RALY: variants seen among roughly 807,000 people sequenced by gnomAD.
The protein encoded by RALY is RNA-binding protein Raly.
In RALY, 15 loss-of-function variants were observed where a neutral mutation model predicts 30.7. The observed-to-expected ratio is 0.49, with a 90% CI of 0.33 to 0.75. The LOEUF (loss-of-function observed/expected upper bound fraction) is 0.75. Among genes scored for constraint, RALY ranks in the 30% least tolerant of loss-of-function variants. RALY has a pLI of 0.02. For synonymous variants in RALY, 177 were observed against 170.8 expected, an observed-to-expected ratio of 1.04 and a Z score of -0.28; for missense variants, 339 against 414.3, an observed-to-expected ratio of 0.82 and a Z score of 1.58.
At chr20:34,058,435 A>C (rs2033319394) in intron 2 of RALY, among the ~76,000 whole-genome samples, 1 of 152,164 alleles carries the variant, frequency 6.6e-6, no homozygotes, top group Admixed American at 6.5e-5. Flanking sequence ...GCTTCAAACA[A>C]GGGACAGTGT....
chr20:34,038,594 T>C (rs2032586316), intron 2 of RALY, among the ~76,000 whole-genome samples: 1 of 152,096 alleles, frequency 6.6e-6, no homozygotes, highest in Admixed American at 6.6e-5. Context: ...CTGTCAAGAG[T>C]CAACAATTCT....
At chr20:34,029,948 C>T (rs780406104) in intron 1 of RALY, 5 of 152,116 alleles carry the variant, frequency 3.3e-5, no homozygotes, top group African/African-American at 9.7e-5. Context: ...ATTAAATGGC[C>T]GTTGTTATTA....
At chr20:34,004,864 CTT>C (rs2122988330) in intron 1 of RALY, among the ~76,000 whole-genome samples, 1 of 152,292 alleles carries the variant, frequency 6.6e-6, no homozygotes, top group East Asian at 1.9e-4. Context: ...ATTGCCATTT[CTT>C]TGTCAGCTTT....
chr20:34,075,760 T>G, intron 5 of RALY, 114 bp from the exon 6 acceptor site: 2 of 1,176,854 alleles, frequency 1.7e-6, no homozygotes, highest in South Asian at 3.0e-5. Context: ...AGCAGAGGTG[T>G]GTAGTGCAGG....
intron 2 of RALY, among the ~76,000 whole-genome samples, chr20:34,049,593 A>G (rs144023258): frequency 2.6e-4 from 39 of 152,326 alleles, no homozygotes; most frequent in African/African-American, 6.0e-4. Flanking sequence ...CCACTGTCCT[A>G]TGTAGCTGGT....
chr20:34,033,228 C>G (rs1271384310), intron 2 of RALY: 1 of 152,166 alleles, frequency 6.6e-6, no homozygotes, highest in Non-Finnish European at 1.5e-5. Flanking sequence ...TGTGTGTACT[C>G]CTACCATGCA....
chr20:34,053,337 T>C (rs541112106), intron 2 of RALY, among the ~76,000 whole-genome samples: 18 of 151,130 alleles, frequency 1.2e-4, no homozygotes, highest in Middle Eastern at 3.4e-3. Flanking sequence ...ATAGACCCTT[T>C]TCACAAGTGC....
chr20:34,054,455 G>C (rs532165555), intron 2 of RALY, among the ~76,000 whole-genome samples: 73 of 152,290 alleles, frequency 4.8e-4, no homozygotes, highest in Middle Eastern at 3.4e-3. Flanking sequence ...CTTTCCCGAA[G>C]AGTTTTCTAC....
At chr20:34,064,559 TTG>T (rs1351638354) in intron 2 of RALY, among the ~76,000 whole-genome samples, 20 of 152,182 alleles carry the variant, frequency 1.3e-4, no homozygotes, top group Non-Finnish European at 2.2e-4. Context: ...AGGGACACCT[TTG>T]TGAAGTTTCT....
chr20:34,022,424 T>A (rs1196016411), intron 1 of RALY, among the ~76,000 whole-genome samples: 1 of 152,152 alleles, frequency 6.6e-6, no homozygotes, highest in African/African-American at 2.4e-5. Flanking sequence ...CTTATGATAC[T>A]TTGAGACACC....
At chr20:34,042,174 G>A (rs558094046) in intron 2 of RALY, among the ~76,000 whole-genome samples, 1 of 152,238 alleles carries the variant, frequency 6.6e-6, no homozygotes, top group South Asian at 2.1e-4. Context: ...TGAAGCAGCA[G>A]CAAGAGGCCT....
rs1209576204 is a variant in RALY at position 34,083,159 on chromosome 20, C to A, written c.*3254C>A. 6.6e-6 allele frequency: 1 copy of A among 152,126 alleles called. No individual in the cohort carries two copies. The highest frequency in any genetic ancestry group is 1.5e-5 in the Non-Finnish European group (1 of 68,064). 9.4% of individuals were successfully genotyped at this position (152,126 alleles called of 1,614,324 possible). Reference sequence around the variant, plus strand: ...AACAAACCACCCCCAAATTTAGTAGCCTTAATAAACATTTATTAGCTCCTG... The same window carrying A: ...AACAAACCACCCCCAAATTTAGTAGACTTAATAAACATTTATTAGCTCCTG... On this transcript the variant is annotated 3_prime_UTR_variant, in exon 10 of 10. Coordinates refer to ENST00000246194, the MANE Select transcript of RALY (RefSeq NM_016732.3).
chr20:34,055,526 G>A (rs1482092460), intron 2 of RALY, among the ~76,000 whole-genome samples: 1 of 152,162 alleles, frequency 6.6e-6, no homozygotes, highest in African/African-American at 2.4e-5. Flanking sequence ...CACCCACTCT[G>A]GGCTAGAGCC....
In RALY at chr20:34,078,537, G is replaced by A; in HGVS notation, c.909G>A (p.Gly303=). ...EHSQDTDADD[G]ALQ is the part of the protein sequence containing the mutation. Reference sequence around the variant, plus strand: ...GCCAGGACACAGACGCGGATGATGGGGCCTTGCAGTAAGCAGGTACAGGGG... The same window carrying A: ...GCCAGGACACAGACGCGGATGATGGAGCCTTGCAGTAAGCAGGTACAGGGG... Residue 303 remains glycine, a synonymous_variant, in exon 9 of 10, where the codon GGG becomes GGA. Transcript: ENST00000246194. The A allele has an allele frequency of 1.3e-6, 2 of 1,588,544 alleles. No homozygotes were observed. Among genetic ancestry groups the A allele is most frequent in the Non-Finnish European group, 8.6e-7 (1 of 1,167,458 alleles).
At chr20:33,994,313 G>C (rs112689547) in intron 1 of RALY, 182 bp downstream of exon 1, 1 of 152,710 alleles carries the variant, frequency 6.5e-6, no homozygotes, top group Admixed American at 6.5e-5. Flanking sequence ...TCTCCCACTC[G>C]GACCCGCCGC....
At chr20:34,019,049 G>A (rs552206170) in intron 1 of RALY, among the ~76,000 whole-genome samples, 3 of 152,260 alleles carry the variant, frequency 2.0e-5, no homozygotes, top group Admixed American at 6.5e-5. Context: ...TCGGCCGGGC[G>A]CAGTGGCTCA....
chr20:34,014,256 G>T (rs1371386338), intron 1 of RALY, among the ~76,000 whole-genome samples: 1 of 152,130 alleles, frequency 6.6e-6, no homozygotes, highest in African/African-American at 2.4e-5. Context: ...CGTATGTAGG[G>T]CCAGTACCTA....
chr20:34,078,563 T>TCCTGG lies in RALY; in HGVS notation c.*4+14_*4+15insGCCTG. Reference sequence around the variant, plus strand: ...GCCTTGCAGTAAGCAGGTACAGGGGTCCTGTCCTGATGGGCAGAGGGTGGG... The same window carrying TCCTGG: ...GCCTTGCAGTAAGCAGGTACAGGGGTCCTGGCCTGTCCTGATGGGCAGAGGGTGGG... On this transcript the variant is annotated intron_variant, in intron 9 of 9. Transcript: ENST00000246194. 1 of 1,559,790 alleles carries TCCTGG rather than the reference T, an allele frequency of 6.4e-7. No individual in the cohort carries two copies. The highest frequency in any genetic ancestry group is 1.7e-4 in the Middle Eastern group (1 of 5,896).
At chr20:34,058,877 T>C (rs956285028) in intron 2 of RALY, among the ~76,000 whole-genome samples, 3 of 152,224 alleles carry the variant, frequency 2.0e-5, no homozygotes, top group Non-Finnish European at 4.4e-5. Context: ...CTTGATTCTT[T>C]ATGGTGGGAA....
Sources: gnomAD v4.1 joint callset for allele counts (sites outside exome capture counted in the v4.1 genomes callset) on GRCh38, gnomAD v4.1.1 for gene constraint, MANE v1.5 for transcripts, NCBI Gene and HGNC (gene_info 2026-07-23, HGNC 2026-07-21) for gene names.